RNLS: variants seen among roughly 807,000 people sequenced by gnomAD.
RNLS encodes the protein renalase.
In RNLS, 39 loss-of-function variants were observed where a neutral mutation model predicts 39.8. The observed-to-expected ratio is 0.98, with a 90% CI of 0.76 to 1.28. The LOEUF (loss-of-function observed/expected upper bound fraction) is 1.28. RNLS is among the 50% of genes most tolerant of loss of function. RNLS has a pLI of 0.00. For missense variants in RNLS, 410 were observed against 413.3 expected (o/e 0.99, Z 0.07); for synonymous variants, 147 against 150.7 (o/e 0.98, Z 0.18).
chr10:88,459,720 G>A (rs796136590), intron 4 of RNLS, among the ~76,000 whole-genome samples: 38 of 152,278 alleles, frequency 2.5e-4, no homozygotes, highest in African/African-American at 8.2e-4. Context: ...ACAATGTGAT[G>A]CTCCATTGAC....
At chr10:88,426,939 CTACATTATTTTACTTTG>C (rs1854810227) in intron 4 of RNLS, among the ~76,000 whole-genome samples, 1 of 151,878 alleles carries the variant, frequency 6.6e-6, no homozygotes, top group Non-Finnish European at 1.5e-5. Flanking sequence ...TGGGAAGAGC[CTACATTATTTTACTTTG>C]TAATGGTGGT....
At chr10:88,359,723 C>CA (rs1288506999) in intron 5 of RNLS, among the ~76,000 whole-genome samples, 7 of 152,256 alleles carry the variant, frequency 4.6e-5, no homozygotes, top group Admixed American at 4.6e-4. Flanking sequence ...CAAATGCTTC[C>CA]AATCATGAGA....
intron 5 of RNLS, among the ~76,000 whole-genome samples, chr10:88,340,147 G>C (rs998764862): frequency 6.6e-6 from 1 of 152,182 alleles, no homozygotes; most frequent in South Asian, 2.1e-4. Flanking sequence ...GGTTTCCAGT[G>C]TGGAAAACCA....
At chr10:88,485,978 T>C (rs1181959624) in intron 4 of RNLS, among the ~76,000 whole-genome samples, 3 of 151,976 alleles carry the variant, frequency 2.0e-5, no homozygotes, top group Non-Finnish European at 4.4e-5. Flanking sequence ...AAATTGAACA[T>C]CTTCAAAATT....
the RNLS span, among the ~76,000 whole-genome samples, chr10:88,236,056 G>T: frequency 6.6e-6 from 1 of 152,140 alleles, no homozygotes; most frequent in African/African-American, 2.4e-5. Context: ...TAGTATTTAT[G>T]GAATGATTGC....
intron 4 of RNLS, among the ~76,000 whole-genome samples, chr10:88,529,678 T>G (rs146321200): frequency 6.6e-6 from 1 of 152,314 alleles, no homozygotes; most frequent in Non-Finnish European, 1.5e-5. Context: ...CAAAGTCTAC[T>G]TCCCATAATT....
At chr10:88,172,842 G>GTTTTTTTTTTTTTTTTTTTTTTTTTTT in the RNLS span, among the ~76,000 whole-genome samples, 6 of 43,776 alleles carry the variant, frequency 1.4e-4, 2 homozygotes, top group East Asian at 2.8e-3. Context: ...ATTTTGAGTT[G>GTTTTTTTTTTTTTTTTTTTTTTTTTTT]TTTTTTTTTT....
chr10:88,466,733 C>T (rs981220534), intron 4 of RNLS, among the ~76,000 whole-genome samples: 1 of 152,008 alleles, frequency 6.6e-6, no homozygotes, highest in Non-Finnish European at 1.5e-5. Flanking sequence ...AAGAGTCCTC[C>T]AAACATTTGG....
intron 4 of RNLS, among the ~76,000 whole-genome samples, chr10:88,468,182 A>T (rs968854377): frequency 3.9e-5 from 6 of 152,196 alleles, no homozygotes; most frequent in African/African-American, 1.4e-4. Flanking sequence ...GTAGAACTAG[A>T]TTGCTTTTGC....
chr10:88,381,569 C>A (rs1383876092), intron 4 of RNLS, among the ~76,000 whole-genome samples: 1 of 151,640 alleles, frequency 6.6e-6, no homozygotes, highest in African/African-American at 2.4e-5. Context: ...AATAGGCTTT[C>A]AGTTGATTCT....
intron 5 of RNLS, among the ~76,000 whole-genome samples, chr10:88,344,079 T>C (rs1369489768): frequency 6.6e-6 from 1 of 152,096 alleles, no homozygotes; most frequent in Non-Finnish European, 1.5e-5. Flanking sequence ...TTGTGTTAAG[T>C]GGTATTATGA....
Position 88,296,482 on chromosome 10 carries a change from C to T in RNLS, c.877-10976G>A, listed in dbSNP as rs904892875. On this transcript the variant is annotated intron_variant, in intron 6 of 6. Transcript: ENST00000331772. Reference sequence around the variant, plus strand: ...GGTTCTCATTCATGTTAAATGGACTCAATGACTTTATATCTGGGCCATAGG... The same window carrying T: ...GGTTCTCATTCATGTTAAATGGACTTAATGACTTTATATCTGGGCCATAGG... Among the ~76,000 whole-genome samples the T allele has an allele frequency of 5.4e-4, 82 of 152,082 alleles. 6 individuals carry two copies. The highest frequency in any genetic ancestry group is 2.6e-4 in the Admixed American group (4 of 15,264).
intron 4 of RNLS, among the ~76,000 whole-genome samples, chr10:88,462,411 T>A (rs1001645269): frequency 6.6e-6 from 1 of 152,032 alleles, no homozygotes; most frequent in South Asian, 2.1e-4. Flanking sequence ...CATCTTCTAG[T>A]CCTAAAATTA....
intron 4 of RNLS, among the ~76,000 whole-genome samples, chr10:88,496,562 C>G (rs923479522): frequency 6.6e-6 from 1 of 152,078 alleles, no homozygotes; most frequent in South Asian, 2.1e-4. Flanking sequence ...ACTATAAGCT[C>G]TCTCTCAAGG....
intron 4 of RNLS, among the ~76,000 whole-genome samples, chr10:88,458,181 A>G (rs1842744800): frequency 6.6e-6 from 1 of 152,178 alleles, no homozygotes; most frequent in Non-Finnish European, 1.5e-5. Flanking sequence ...ATGTTAGCCA[A>G]GTAGGTTTCA....
intron 5 of RNLS, 100 bp from the exon 6 acceptor site, chr10:88,314,741 A>T (rs2133054979): frequency 9.9e-7 from 1 of 1,014,860 alleles, no homozygotes; most frequent in Non-Finnish European, 1.4e-6. Context: ...CACAATAATC[A>T]AGCAATAAAT....
At chr10:88,282,892 C>T (rs1843074537), downstream of RNLS, among the ~76,000 whole-genome samples, 1 of 152,194 alleles carries the variant, frequency 6.6e-6, no homozygotes, top group Non-Finnish European at 1.5e-5. Flanking sequence ...TATCAGCTAA[C>T]AAGTATTAAA....
At chr10:88,240,387 C>T in the RNLS span, among the ~76,000 whole-genome samples, 1 of 141,124 alleles carries the variant, frequency 7.1e-6, no homozygotes, top group Non-Finnish European at 1.5e-5. Flanking sequence ...TAATTGAAAT[C>T]AGGTGATGGC....
chr10:88,247,023 C>T, the RNLS span, among the ~76,000 whole-genome samples: 34 of 152,128 alleles, frequency 2.2e-4, no homozygotes, highest in Admixed American at 1.5e-3. Context: ...TTATGAATCA[C>T]GGTGAGATTA....
Sources: gnomAD v4.1 joint callset for allele counts (sites outside exome capture counted in the v4.1 genomes callset) on GRCh38, gnomAD v4.1.1 for gene constraint, MANE v1.5 for transcripts, NCBI Gene and HGNC (gene_info 2026-07-23, HGNC 2026-07-21) for gene names.